Variants in TRPM7 observed in about 807,000 individuals in gnomAD.
TRPM7 encodes transient receptor potential cation channel subfamily M member 7, also known as LTRPC ion channel family member 7.
In TRPM7, 134 loss-of-function variants were observed where a neutral mutation model predicts 229.7. The observed-to-expected ratio is 0.58, with a 90% CI of 0.51 to 0.67. TRPM7 has a LOEUF of 0.67. Ranked by LOEUF, TRPM7 falls within the 30% of genes least tolerant of loss-of-function variation. The pLI is 0.00. For missense variants in TRPM7, 1,901 were observed against 2,210.0 expected, an observed-to-expected ratio of 0.86 and a Z score of 2.80; for synonymous variants, 699 against 715.2, an observed-to-expected ratio of 0.98 and a Z score of 0.36.
At chr15:50,678,230 A>ACT (rs1328372679) in intron 1 of TRPM7, among the ~76,000 whole-genome samples, 2 of 133,442 alleles carry the variant, frequency 1.5e-5, no homozygotes, top group African/African-American at 2.7e-5. Flanking sequence ...ACAGAGTGAG[A>ACT]CTCTCTCTCA....
chr15:50,654,035 A>G (rs2061492862), intron 3 of TRPM7, among the ~76,000 whole-genome samples: 1 of 152,218 alleles, frequency 6.6e-6, no homozygotes, highest in African/African-American at 2.4e-5. Flanking sequence ...TGCCCTAACA[A>G]AGAAGAAAAT....
At chr15:50,577,548 C>T (rs1209922830) in intron 31 of TRPM7, among the ~76,000 whole-genome samples, 3 of 152,136 alleles carry the variant, frequency 2.0e-5, no homozygotes, top group Admixed American at 6.5e-5. Flanking sequence ...AGCAAGACTC[C>T]TTCTCACCCG....
rs34653276 is a variant in TRPM7, at chr15:50,589,319, CAAA to C, written c.4389+270_4389+272del. On this transcript the variant is annotated intron_variant, in intron 27 of 38. Coordinates refer to ENST00000646667, the MANE Select transcript of TRPM7 (RefSeq NM_017672.6). ...CCCAGGTGACAGCGAGACTCCGTCT[CAAA>C]AAAAAAAAAAAAAAAAAAAGAGAGA... Among the ~76,000 whole-genome samples, 641 of 81,580 alleles carry C rather than the reference CAAA, an allele frequency of 7.9e-3. 2 individuals carry two copies. The highest frequency in any genetic ancestry group is 0.028 in the African/African-American group (617 of 22,396). 53.5% of individuals were successfully genotyped at this position (81,580 alleles called of 152,430 possible).
chr15:50,564,718 T>C (rs1446777142), intron 38 of TRPM7, among the ~76,000 whole-genome samples: 1 of 152,136 alleles, frequency 6.6e-6, no homozygotes, highest in African/African-American at 2.4e-5. Flanking sequence ...TTGACCTCAC[T>C]GAATCATAAA....
intron 15 of TRPM7, among the ~76,000 whole-genome samples, 152 bp downstream of exon 15, chr15:50,613,553 ATC>A (rs749887446): frequency 2.6e-5 from 4 of 151,152 alleles, no homozygotes; most frequent in African/African-American, 7.3e-5. Flanking sequence ...TATAATTAAT[ATC>A]TCTGTGTGTG....
Position 50,592,347 on chromosome 15 carries a change from A to G in TRPM7, c.3888T>C (p.Asn1296=). 6.2e-7 allele frequency: 1 copy of G among 1,614,140 alleles called. No individual in the cohort carries two copies. Among genetic ancestry groups the G allele is most frequent in the Non-Finnish European group, 8.5e-7 (1 of 1,180,006 alleles). ...PSVWKKHGVV[N]TLSSSLPQGD... is the part of the protein sequence containing the mutation. ...CTTGAGGAAGAGAGGAGCTAAGTGT[A>G]TTTACAACACCATGCTTTTTCCATA... Residue 1296 remains asparagine, a synonymous_variant, in exon 26 of 39, where the codon AAT becomes AAC. Coordinates refer to ENST00000646667, the MANE Select transcript of TRPM7 (RefSeq NM_017672.6).
At chr15:50,652,328 C>CAAAAAAAAAAAAAAA (rs34122648) in intron 3 of TRPM7, among the ~76,000 whole-genome samples, 7 of 34,230 alleles carry the variant, frequency 2.0e-4, no homozygotes, top group Non-Finnish European at 1.9e-4. Context: ...GACTCCATCT[C>CAAAAAAAAAAAAAAA]AAAAAAAAAA....
rs200429162 is a variant in TRPM7 at position 50,589,592 on chromosome 15, G to A, written c.4389C>T (p.Ser1463=). Residue 1463 remains serine (S), a splice_region_variant and synonymous_variant, in exon 27 of 39, where the codon TCC becomes TCT. Coordinates refer to ENST00000646667, the MANE Select transcript of TRPM7 (RefSeq NM_017672.6). ...KETSNKIKIL[S]NNNTSENTLK... ...GGTGTTTTAATAAGGATTTACTTAC[G>A]GATAGTATTTTTATCTTGTTTGATG... The A allele has an allele frequency of 1.3e-4, 197 of 1,550,348 alleles. 1 individual carries two copies. In the South Asian group the frequency reaches 1.6e-3, roughly 13 times the overall value.
chr15:50,655,305 C>T (rs1210183287), intron 3 of TRPM7, among the ~76,000 whole-genome samples: 13 of 151,232 alleles, frequency 8.6e-5, no homozygotes, highest in Admixed American at 7.9e-4. Context: ...TGGTGGCATG[C>T]GTCTGTAATC....
chr15:50,677,814 C>T (rs2140974479), intron 1 of TRPM7, among the ~76,000 whole-genome samples: 1 of 148,886 alleles, frequency 6.7e-6, no homozygotes, highest in South Asian at 2.1e-4. Context: ...CCAATATACA[C>T]TCCAAAATGA....
chr15:50,560,853 T>C lies in TRPM7; in HGVS notation c.*825A>G, dbSNP rs900795569. On this transcript the variant is annotated 3_prime_UTR_variant, in exon 39 of 39. Transcript: ENST00000646667. The stretch of plus-strand genomic sequence containing the variant: ...TCTGGGTTGTTGCTATAGATACAGA[T>C]AGGGAAAAAAGTACTTTAACTTTCC... 6.6e-6 allele frequency: 1 copy of C among 152,602 alleles called. No homozygotes were observed. Among genetic ancestry groups the C allele is most frequent in the African/African-American group, 2.4e-5 (1 of 41,444 alleles). The allele number at this position is 152,602 out of a possible 1,614,324, so 9.5% of individuals were successfully genotyped here. A position where few individuals can be genotyped will look rare whatever the true frequency, so the allele number is the denominator to read the frequency against.
At chr15:50,598,872 T>C (rs2059700680) in intron 22 of TRPM7, among the ~76,000 whole-genome samples, 1 of 152,186 alleles carries the variant, frequency 6.6e-6, no homozygotes, top group Admixed American at 6.5e-5. Flanking sequence ...GTTATGTGAG[T>C]TAATAAATGC....
At chr15:50,640,523 T>TGATCCTCCCACCTC (rs1417073679) in intron 5 of TRPM7, among the ~76,000 whole-genome samples, 2 of 151,076 alleles carry the variant, frequency 1.3e-5, no homozygotes, top group African/African-American at 4.9e-5. Context: ...TGGGCTCAAG[T>TGATCCTCCCACCTC]GATCCTCCCA....
rs761192564 is a variant in TRPM7 at position 50,648,758 on chromosome 15, T to C, written c.250A>G (p.Thr84Ala). The stretch of plus-strand genomic sequence containing the variant: ...TAAGCATCCGTTGGGCTCTGTTCTG[T>C]ATGCTTTTCCACAGACCATTCTTCT... ...AIEEWSVEKH[T>A]EQSPTDAYGV... The change falls in exon 4 of 39, where the codon ACA becomes GCA. Residue 84 changes from threonine to alanine, a missense_variant. By Grantham distance (58) the Thr-to-Ala change is moderately conservative. Transcript: ENST00000646667. 9.9e-6 allele frequency: 16 copies of C among 1,613,640 alleles called. No homozygotes were observed. Among genetic ancestry groups the C allele is most frequent in the Admixed American group, 5.0e-5 (3 of 59,946 alleles).
chr15:50,590,237 C>T (rs1226677665), intron 26 of TRPM7, among the ~76,000 whole-genome samples: 7 of 149,202 alleles, frequency 4.7e-5, no homozygotes, highest in African/African-American at 7.4e-5. Flanking sequence ...ATAAATAGCT[C>T]GAAATTTAAA....
intron 30 of TRPM7, among the ~76,000 whole-genome samples, chr15:50,579,679 T>C (rs2054309387): frequency 6.6e-6 from 1 of 152,192 alleles, no homozygotes. Flanking sequence ...GGTCTGACTA[T>C]AGGTGGGCCT....
chr15:50,607,074 G>T, intron 20 of TRPM7, 126 bp downstream of exon 20: 1 of 777,140 alleles, frequency 1.3e-6, no homozygotes, highest in Non-Finnish European at 2.0e-6. Context: ...AATTACACAG[G>T]TTCTACACTT....
chr15:50,588,716 G>A (rs116093737), intron 27 of TRPM7, among the ~76,000 whole-genome samples: 5,343 of 152,136 alleles, frequency 0.035, 311 homozygotes, highest in African/African-American at 0.12. Flanking sequence ...TAATTATCTT[G>A]TTGTAGCCAC....
chr15:50,655,825 A>T (rs1298334284), intron 3 of TRPM7, among the ~76,000 whole-genome samples: 14 of 151,892 alleles, frequency 9.2e-5, no homozygotes, highest in Non-Finnish European at 2.1e-4. Flanking sequence ...CCCCATCTAT[A>T]CTAAAAGTAC....
Sources: gnomAD v4.1 joint callset for allele counts (sites outside exome capture counted in the v4.1 genomes callset) on GRCh38, gnomAD v4.1.1 for gene constraint, MANE v1.5 for transcripts, NCBI Gene and HGNC (gene_info 2026-07-23, HGNC 2026-07-21) for gene names.